CDYL2: variants seen among roughly 807,000 people sequenced by gnomAD.
CDYL2 encodes chromodomain Y like 2, also known as chromodomain Y-like protein 2.
In CDYL2, 23 loss-of-function variants were observed where a neutral mutation model predicts 49.4. That is an observed-to-expected ratio of 0.47 (90% CI 0.34 to 0.66). The LOEUF is 0.66. Ranked by LOEUF, CDYL2 falls within the 30% of genes least tolerant of loss-of-function variation. CDYL2 has a pLI of 0.01. For missense variants in CDYL2, 678 were observed against 656.4 expected, an observed-to-expected ratio of 1.03 and a Z score of -0.36; for synonymous variants, 360 against 268.8, an observed-to-expected ratio of 1.34 and a Z score of -3.32.
chr16:80,738,837 T>G (rs1185086268), intron 1 of CDYL2: 2 of 152,264 alleles, frequency 1.3e-5, no homozygotes, highest in African/African-American at 2.4e-5. Context: ...CAAGCTTCAG[T>G]TTCCTCATCT....
intron 2 of CDYL2, among the ~76,000 whole-genome samples, chr16:80,659,921 C>A (rs921398448): frequency 1.3e-5 from 2 of 151,692 alleles, no homozygotes; most frequent in African/African-American, 2.4e-5. Flanking sequence ...TAATGATAAA[C>A]TGTAGAATTC....
chr16:80,743,239 C>A (rs1182741022), intron 1 of CDYL2, among the ~76,000 whole-genome samples: 4 of 152,218 alleles, frequency 2.6e-5, no homozygotes, highest in Non-Finnish European at 5.9e-5. Context: ...AAACCCAATA[C>A]TTCTGCTCCC....
chr16:80,631,379 C>T (rs1907553808), intron 3 of CDYL2, among the ~76,000 whole-genome samples: 1 of 152,206 alleles, frequency 6.6e-6, no homozygotes, highest in Non-Finnish European at 1.5e-5. Flanking sequence ...CGTGGAGCAT[C>T]TTCCCACCTT....
rs186309151 is a variant in CDYL2, at chr16:80,781,426, G to A, written c.24+22724C>T. Among the ~76,000 whole-genome samples, 584 of 152,228 alleles carry A rather than the reference G, an allele frequency of 3.8e-3. 3 individuals are homozygous for A. Among genetic ancestry groups the A allele is most frequent in the Non-Finnish European group, 3.5e-3 (235 of 68,012 alleles). On this transcript the variant is annotated intron_variant, in intron 1 of 6. Transcript: ENST00000570137. ...ACAAAATAGGAGGGAGAGACAGACCGTTCCACAATGGTTGGAGACTTCAAT... is the reference window on the plus strand; with the variant it reads ...ACAAAATAGGAGGGAGAGACAGACCATTCCACAATGGTTGGAGACTTCAAT...
At chr16:80,640,449 G>C (rs148009992) in intron 2 of CDYL2, among the ~76,000 whole-genome samples, 2 of 152,222 alleles carry the variant, frequency 1.3e-5, no homozygotes, top group Non-Finnish European at 2.9e-5. Flanking sequence ...AGGGCCTTGG[G>C]TAAGACTCCG....
chr16:80,754,399 C>G (rs1474902932), intron 1 of CDYL2, among the ~76,000 whole-genome samples: 1 of 152,160 alleles, frequency 6.6e-6, no homozygotes, highest in East Asian at 1.9e-4. Flanking sequence ...AAGCAAAGGC[C>G]ACCCTAACAT....
chr16:80,616,379 G>C (rs566009637), intron 4 of CDYL2, among the ~76,000 whole-genome samples: 2 of 152,286 alleles, frequency 1.3e-5, no homozygotes, highest in East Asian at 3.9e-4. Context: ...CATCTGCTGG[G>C]GAGGGTGGAC....
At chr16:80,740,104 G>A (rs1406783980) in intron 1 of CDYL2, among the ~76,000 whole-genome samples, 3 of 152,168 alleles carry the variant, frequency 2.0e-5, no homozygotes, top group Non-Finnish European at 4.4e-5. Context: ...CAGAAAAAGA[G>A]GCTGACTAAA....
At chr16:80,665,467 T>C (rs1390753525) in intron 2 of CDYL2, among the ~76,000 whole-genome samples, 1 of 142,158 alleles carries the variant, frequency 7.0e-6, no homozygotes, top group Non-Finnish European at 1.5e-5. Flanking sequence ...TGCCACCAAG[T>C]ATTAGGTTGG....
chr16:80,620,153 T>C (rs906012259), intron 4 of CDYL2, among the ~76,000 whole-genome samples: 4 of 152,216 alleles, frequency 2.6e-5, no homozygotes, highest in Admixed American at 2.0e-4. Flanking sequence ...TTTGATATAC[T>C]GATAAAGAAT....
At chr16:80,751,086 A>G (rs1906121182) in intron 1 of CDYL2, among the ~76,000 whole-genome samples, 1 of 152,138 alleles carries the variant, frequency 6.6e-6, no homozygotes, top group East Asian at 1.9e-4. Flanking sequence ...TTTACATTAT[A>G]GAAAAATATA....
chr16:80,634,578 C>A (rs926260048), intron 2 of CDYL2, among the ~76,000 whole-genome samples: 5 of 151,966 alleles, frequency 3.3e-5, no homozygotes, highest in African/African-American at 7.3e-5. Context: ...CAAACCAACA[C>A]GACACATGTA....
intron 4 of CDYL2, among the ~76,000 whole-genome samples, chr16:80,614,455 G>T (rs752124424): frequency 2.4e-4 from 36 of 152,222 alleles, no homozygotes; most frequent in Non-Finnish European, 5.0e-4. Flanking sequence ...AGGTTCCTGA[G>T]TCACCAATGG....
intron 5 of CDYL2, among the ~76,000 whole-genome samples, chr16:80,608,742 G>A (rs1164459856): frequency 6.6e-6 from 1 of 152,148 alleles, no homozygotes; most frequent in East Asian, 1.9e-4. Flanking sequence ...ATCCATGGCT[G>A]TGTCCCGGCC....
intron 6 of CDYL2, among the ~76,000 whole-genome samples, chr16:80,605,863 T>C (rs1228394455): frequency 1.3e-5 from 2 of 152,222 alleles, no homozygotes; most frequent in Non-Finnish European, 2.9e-5. Context: ...AAGTAGTCTT[T>C]TGATCCCCAT....
intron 1 of CDYL2, among the ~76,000 whole-genome samples, chr16:80,713,484 G>C (rs1416954846): frequency 6.6e-6 from 1 of 152,102 alleles, no homozygotes; most frequent in Non-Finnish European, 1.5e-5. Context: ...TTAAAGCTTA[G>C]CCCAGAGCAC....
chr16:80,685,150 G>T, intron 1 of CDYL2, 21 bp from the exon 2 acceptor site: 2 of 1,569,790 alleles, frequency 1.3e-6, no homozygotes, highest in African/African-American at 1.4e-5. Flanking sequence ...AGATGAGAGG[G>T]TCAGAAAACA....
intron 2 of CDYL2, among the ~76,000 whole-genome samples, chr16:80,670,231 G>A (rs1909442443): frequency 6.6e-6 from 1 of 152,174 alleles, no homozygotes; most frequent in Admixed American, 6.5e-5. Context: ...ATCTTGAATT[G>A]TAGTTTTTAT....
chr16:80,630,314 C>G (rs763400913), intron 3 of CDYL2, among the ~76,000 whole-genome samples: 1 of 152,336 alleles, frequency 6.6e-6, no homozygotes. Context: ...TTAAATCAGA[C>G]GAGCACAACA....
Sources: allele counts gnomAD v4.1 joint callset (sites outside exome capture counted in the v4.1 genomes callset), GRCh38; gene constraint gnomAD v4.1.1; transcripts MANE v1.5; gene names NCBI Gene and HGNC (gene_info 2026-07-23, HGNC 2026-07-21).